Variants in EYS observed in about 807,000 individuals in gnomAD.
The protein encoded by EYS is protein eyes shut homolog.
A neutral mutation model predicts 282.1 loss-of-function variants in EYS; 250 were observed. The ratio of observed to expected loss-of-function variants is 0.89; its 90% CI spans 0.80 to 0.98. EYS has a LOEUF of 0.98. EYS is among the 50% of genes least tolerant of loss of function. The pLI, the probability that EYS is intolerant of heterozygous loss-of-function variation, is 0.00. For missense variants in EYS, 4,016 were observed against 3,709.0 expected (o/e 1.08, Z -2.15); for synonymous variants, 1,355 against 1,282.9 (o/e 1.06, Z -1.20).
chr6:64,825,664 A>T lies in EYS; in HGVS notation c.2993-2842T>A, dbSNP rs115484419. ...TGATGCCTCTGAGGTGCATAACTAA[A>T]AGAGTTGTCTGTGCAGCCAAGGGGA... On this transcript the variant is annotated intron_variant, in intron 19 of 42. Transcript: ENST00000503581. 6.8e-3 allele frequency among the ~76,000 whole-genome samples: 1,026 copies of T among 151,912 alleles called. 9 individuals carry two copies. Among genetic ancestry groups the T allele is most frequent in the African/African-American group, 0.023 (948 of 41,472 alleles).
At chr6:65,553,548 G>GA (rs962181101) in intron 2 of EYS, among the ~76,000 whole-genome samples, 4 of 151,602 alleles carry the variant, frequency 2.6e-5, no homozygotes, top group African/African-American at 7.2e-5. Flanking sequence ...ATATTAATAG[G>GA]AAAAAAAAGT....
intron 19 of EYS, among the ~76,000 whole-genome samples, chr6:64,825,985 C>T (rs1413264977): frequency 6.6e-5 from 10 of 151,728 alleles, no homozygotes; most frequent in Non-Finnish European, 1.2e-4. Context: ...GATAACAATG[C>T]TTTGACATAG....
chr6:64,685,819 A>G (rs1435927838), intron 22 of EYS, among the ~76,000 whole-genome samples: 1 of 152,198 alleles, frequency 6.6e-6, no homozygotes, highest in Non-Finnish European at 1.5e-5. Context: ...ATCATTATAT[A>G]TTTTCAGAAT....
chr6:64,367,599 G>A (rs772805993), intron 29 of EYS, among the ~76,000 whole-genome samples: 1 of 112,580 alleles, frequency 8.9e-6, no homozygotes, highest in African/African-American at 3.3e-5. Flanking sequence ...TAAACACCTA[G>A]TTGGATTTCA....
At chr6:64,778,161 T>TC (rs1773736971) in intron 22 of EYS, among the ~76,000 whole-genome samples, 1 of 152,138 alleles carries the variant, frequency 6.6e-6, no homozygotes, top group Non-Finnish European at 1.5e-5. Flanking sequence ...GCGAATGCCT[T>TC]CATGATTGGT....
chr6:65,277,575 T>C (rs1768084865), intron 12 of EYS, among the ~76,000 whole-genome samples: 1 of 152,146 alleles, frequency 6.6e-6, no homozygotes, highest in South Asian at 2.1e-4. Context: ...GCACCCTCAT[T>C]TTGAACATCT....
At chr6:63,981,055 G>A (rs1767065532) in intron 35 of EYS, among the ~76,000 whole-genome samples, 2 of 151,808 alleles carry the variant, frequency 1.3e-5, no homozygotes, top group African/African-American at 4.8e-5. Context: ...GTGTGAATAT[G>A]CATCTGTTGA....
chr6:64,137,014 C>T (rs920930499), intron 31 of EYS, among the ~76,000 whole-genome samples: 2 of 152,096 alleles, frequency 1.3e-5, no homozygotes, highest in African/African-American at 4.8e-5. Flanking sequence ...ATTGAAAATC[C>T]ATTGTTTAGT....
intron 14 of EYS, among the ~76,000 whole-genome samples, chr6:64,997,165 A>G (rs776890042): frequency 1.3e-5 from 2 of 152,182 alleles, no homozygotes; most frequent in Admixed American, 6.5e-5. Context: ...GGAAATATGT[A>G]ATATGAGATG....
rs369007712 is a variant in EYS, at chr6:64,690,110, A to T, written c.3444-63865T>A. ...AAGGGCTAATATCCAGAATCTACAA[A>T]GAACTCAAACAAATTTACAAGAAAA... On this transcript the variant is annotated intron_variant, in intron 22 of 42. Transcript: ENST00000503581. Among the ~76,000 whole-genome samples, 6 of 151,926 alleles carry T rather than the reference A, an allele frequency of 3.9e-5. No homozygotes were observed. The East Asian group carries it at 9.7e-4, about 25-fold the overall frequency.
At chr6:65,659,777 T>G (rs1195414615) in intron 1 of EYS, among the ~76,000 whole-genome samples, 1 of 151,818 alleles carries the variant, frequency 6.6e-6, no homozygotes, top group Non-Finnish European at 1.5e-5. Context: ...CTATTTTATT[T>G]ATTTATTATT....
intron 30 of EYS, among the ~76,000 whole-genome samples, chr6:64,290,218 G>T (rs1320156385): frequency 1.3e-5 from 2 of 152,064 alleles, no homozygotes; most frequent in Non-Finnish European, 2.9e-5. Flanking sequence ...TTTATCATTT[G>T]TAACTCCCTC....
chr6:65,689,212 A>G (rs946749258), intron 1 of EYS, among the ~76,000 whole-genome samples: 2 of 149,694 alleles, frequency 1.3e-5, no homozygotes, highest in African/African-American at 4.9e-5. Flanking sequence ...GGATGAATTC[A>G]TGTCCCTTGT....
chr6:63,833,563 C>A (rs1771709093), intron 36 of EYS, among the ~76,000 whole-genome samples: 1 of 152,098 alleles, frequency 6.6e-6, no homozygotes, highest in Non-Finnish European at 1.5e-5. Context: ...CAAAAGAGGA[C>A]ACAAACAAAT....
rs1764666177 is a variant in EYS, at chr6:64,540,427, C to A, written c.5644+49796G>T. Reference sequence around the variant, plus strand: ...AACCTATTGTGCTTTGTAGCCCCACCCTCACATGATAAAGCCAATAGAAAT... The same window carrying A: ...AACCTATTGTGCTTTGTAGCCCCACACTCACATGATAAAGCCAATAGAAAT... On this transcript the variant is annotated intron_variant, in intron 26 of 42. Coordinates refer to ENST00000503581, the MANE Select transcript of EYS (RefSeq NM_001142800.2). 2.0e-5 allele frequency among the ~76,000 whole-genome samples: 3 copies of A among 151,898 alleles called. 1 individual carries two copies. The highest frequency in any genetic ancestry group is 6.6e-5 in the Admixed American group (1 of 15,256).
chr6:63,931,468 G>T (rs780995991), intron 35 of EYS, among the ~76,000 whole-genome samples: 13 of 152,080 alleles, frequency 8.5e-5, no homozygotes, highest in East Asian at 5.8e-4. Context: ...TACTCATTCT[G>T]CTCCCTTCTG....
intron 8 of EYS, 59 bp from the exon 9 acceptor site, chr6:65,353,676 TA>T: frequency 1.4e-6 from 2 of 1,430,390 alleles, no homozygotes; most frequent in Non-Finnish European, 2.0e-6. Context: ...TTTCAATATA[TA>T]CATATAACAT....
Position 64,175,300 on chromosome 6 carries a change from C to T in EYS, c.6424+55292G>A, listed in dbSNP as rs545801090. On this transcript the variant is annotated intron_variant, in intron 31 of 42. Transcript: ENST00000503581. The stretch of plus-strand genomic sequence containing the variant: ...ATCTCCTGTCCTAACCTAGGTTCTC[C>T]AGAAAGCAAAGCCTCAGACAAAAGC... 5.3e-5 allele frequency among the ~76,000 whole-genome samples: 8 copies of T among 152,204 alleles called. No homozygotes were observed. In the South Asian group the frequency reaches 1.7e-3, roughly 32 times the overall value.
chr6:64,625,255 T>C (rs1377309495), intron 23 of EYS, among the ~76,000 whole-genome samples: 3 of 152,116 alleles, frequency 2.0e-5, no homozygotes, highest in African/African-American at 7.2e-5. Context: ...CTTATATCAA[T>C]ATAGACCTAA....
Sources: allele counts gnomAD v4.1 joint callset (sites outside exome capture counted in the v4.1 genomes callset), GRCh38; gene constraint gnomAD v4.1.1; transcripts MANE v1.5; gene names NCBI Gene and HGNC (gene_info 2026-07-23, HGNC 2026-07-21).